Variants in PLA2G4A observed in about 807,000 individuals in gnomAD.
PLA2G4A encodes phospholipase A2 group IVA.
PLA2G4A carries 40 observed loss-of-function variants against 81.9 expected under a neutral mutation model. The ratio of observed to expected loss-of-function variants is 0.49; its 90% CI spans 0.38 to 0.64. The LOEUF is 0.64. Among genes scored for constraint, PLA2G4A ranks in the 30% least tolerant of loss-of-function variants. PLA2G4A has a pLI of 0.00. For missense variants in PLA2G4A, 715 were observed against 905.1 expected, an observed-to-expected ratio of 0.79 and a Z score of 2.69; for synonymous variants, 302 against 296.9, an observed-to-expected ratio of 1.02 and a Z score of -0.18.
chr1:186,867,524 A>G (rs1653075425), intron 2 of PLA2G4A, among the ~76,000 whole-genome samples: 1 of 152,128 alleles, frequency 6.6e-6, no homozygotes, highest in South Asian at 2.1e-4. Context: ...TAGAAAAGCA[A>G]TTGACTTTTG....
At chr1:186,835,313 G>C (rs1315668127) in intron 1 of PLA2G4A, among the ~76,000 whole-genome samples, 2 of 152,190 alleles carry the variant, frequency 1.3e-5, no homozygotes, top group African/African-American at 2.4e-5. Context: ...GCCTAGGATA[G>C]TCTCGAGGCA....
chr1:186,911,777 A>G (rs1654952850), intron 7 of PLA2G4A, among the ~76,000 whole-genome samples: 1 of 152,116 alleles, frequency 6.6e-6, no homozygotes, highest in Non-Finnish European at 1.5e-5. Flanking sequence ...GAGATTTATT[A>G]TGAAGTTTGG....
chr1:186,952,977 A>G (rs1420415154), intron 13 of PLA2G4A, among the ~76,000 whole-genome samples: 2 of 152,158 alleles, frequency 1.3e-5, no homozygotes, highest in Admixed American at 6.5e-5. Context: ...GGAAAACTTG[A>G]AGTTTGCTTC....
At chr1:186,954,556 T>C (rs547867883) in intron 13 of PLA2G4A, among the ~76,000 whole-genome samples, 3 of 152,104 alleles carry the variant, frequency 2.0e-5, no homozygotes, top group African/African-American at 7.2e-5. Flanking sequence ...ACCTGCACAT[T>C]GTGCACATGT....
intron 5 of PLA2G4A, among the ~76,000 whole-genome samples, chr1:186,903,999 T>C (rs1160630568): frequency 6.6e-6 from 1 of 152,208 alleles, no homozygotes; most frequent in Admixed American, 6.5e-5. Flanking sequence ...AGCTTCACTA[T>C]TTCAAAATGA....
intron 1 of PLA2G4A, among the ~76,000 whole-genome samples, chr1:186,844,722 C>T (rs188753764): frequency 1.1e-3 from 173 of 152,270 alleles, no homozygotes; most frequent in Non-Finnish European, 2.0e-3. Flanking sequence ...ACCAACATGG[C>T]ACATGTATAC....
At chr1:186,958,200 T>C (rs1205442953) in intron 14 of PLA2G4A, among the ~76,000 whole-genome samples, 1 of 152,206 alleles carries the variant, frequency 6.6e-6, no homozygotes, top group Non-Finnish European at 1.5e-5. Flanking sequence ...ATGAGGTATG[T>C]CTGATTATAT....
rs778448493 is a variant in PLA2G4A at position 186,870,501 on chromosome 1, G to A, written c.100G>A (p.Ala34Thr). Residue 34 changes from alanine to threonine, a missense_variant, in exon 3 of 18, where the codon GCC (alanine) becomes ACC (threonine). Coordinates refer to ENST00000367466, the MANE Select transcript of PLA2G4A (RefSeq NM_024420.3). ...VLRATKVTKG[A>T]FGDMLDTPDP... is the part of the protein sequence containing the mutation. ...ACGTGCCACCAAAGTGACAAAGGGG[G>A]CCTTTGGTGACATGCGTAAGTGCCC... 48 of 1,607,642 alleles carry A rather than the reference G, an allele frequency of 3.0e-5. No individual in the cohort carries two copies. Among genetic ancestry groups the A allele is most frequent in the Admixed American group, 8.3e-5 (5 of 59,968 alleles).
At chr1:186,959,463 T>C (rs1222183010) in intron 14 of PLA2G4A, among the ~76,000 whole-genome samples, 4 of 152,316 alleles carry the variant, frequency 2.6e-5, no homozygotes, top group African/African-American at 7.2e-5. Context: ...ACATTTTATT[T>C]CATTGTGTGT....
At chr1:186,988,312 T>C in intron 17 of PLA2G4A, 65 bp from the exon 18 acceptor site, 2 of 1,242,742 alleles carry the variant, frequency 1.6e-6, no homozygotes, top group Admixed American at 1.9e-5. Flanking sequence ...ATTTTTATTT[T>C]AATAAAAAAT....
chr1:186,970,845 C>G (rs1461460530), intron 15 of PLA2G4A, among the ~76,000 whole-genome samples: 1 of 151,808 alleles, frequency 6.6e-6, no homozygotes, highest in Admixed American at 6.6e-5. Flanking sequence ...TAATGTGATG[C>G]CTCCAGCTTT....
At chr1:186,850,361 T>A (rs185938049) in intron 1 of PLA2G4A, among the ~76,000 whole-genome samples, 1 of 152,130 alleles carries the variant, frequency 6.6e-6, no homozygotes, top group Non-Finnish European at 1.5e-5. Flanking sequence ...ATTGATGATA[T>A]TTTCCCAGAA....
At chr1:186,905,794 A>G (rs1334278444) in intron 5 of PLA2G4A, among the ~76,000 whole-genome samples, 2 of 152,160 alleles carry the variant, frequency 1.3e-5, no homozygotes, top group Non-Finnish European at 2.9e-5. Context: ...TAGTAATAGG[A>G]ACCTATATAA....
intron 2 of PLA2G4A, among the ~76,000 whole-genome samples, chr1:186,868,372 C>T (rs1161636554): frequency 6.6e-6 from 1 of 152,056 alleles, no homozygotes; most frequent in African/African-American, 2.4e-5. Context: ...GCCATTGGGC[C>T]CCGCCCGGTG....
chr1:186,968,246 A>AT (rs1475874433), intron 15 of PLA2G4A, among the ~76,000 whole-genome samples: 1 of 152,136 alleles, frequency 6.6e-6, no homozygotes, highest in Non-Finnish European at 1.5e-5. Flanking sequence ...AAGAATCATT[A>AT]TACTTGGCAG....
chr1:186,869,537 A>G (rs931626662), intron 2 of PLA2G4A, among the ~76,000 whole-genome samples: 5 of 152,120 alleles, frequency 3.3e-5, no homozygotes, highest in Admixed American at 3.3e-4. Context: ...GTCCTTATCA[A>G]TCTGTCTACA....
At chr1:186,830,957 G>GCTTGCTTTCTTTCTTTCTTT (rs1491468816) in intron 1 of PLA2G4A, among the ~76,000 whole-genome samples, 1 of 82,716 alleles carries the variant, frequency 1.2e-5, no homozygotes, top group African/African-American at 4.0e-5. Flanking sequence ...TTGCTTGCTT[G>GCTTGCTTTCTTTCTTTCTTT]CTTTCTTTCT....
rs754951888 is a variant in PLA2G4A, at chr1:186,870,564, G to A, written c.115+48G>A. 6 of 1,328,260 alleles carry A rather than the reference G, an allele frequency of 4.5e-6. No homozygotes were observed. In the African/African-American group the frequency reaches 8.7e-5, roughly 19 times the overall value. 82.3% of individuals were successfully genotyped at this position (1,328,260 alleles called of 1,614,324 possible). The stretch of plus-strand genomic sequence containing the variant: ...CTGTTAAACATGTAATTATGGTTCA[G>A]CCTTTAATTGCTTGAGTTCCTTGAC... On this transcript the variant is annotated intron_variant, in intron 3 of 17. Coordinates refer to ENST00000367466, the MANE Select transcript of PLA2G4A (RefSeq NM_024420.3).
chr1:186,939,917 A>G, intron 9 of PLA2G4A, 63 bp from the exon 10 acceptor site: 1 of 804,660 alleles, frequency 1.2e-6, no homozygotes. Flanking sequence ...ACTATTTTGA[A>G]TAGCATTCTT....
Sources: gnomAD v4.1 joint callset for allele counts (sites outside exome capture counted in the v4.1 genomes callset) on GRCh38, gnomAD v4.1.1 for gene constraint, MANE v1.5 for transcripts, NCBI Gene and HGNC (gene_info 2026-07-23, HGNC 2026-07-21) for gene names.